The following LINGO1 variants were observed in gnomAD, a reference collection of about 807,000 sequenced individuals.
The protein encoded by LINGO1 is leucine-rich repeat and immunoglobulin-like domain-containing nogo receptor-interacting protein 1.
Under a neutral mutation model 37.3 loss-of-function variants are expected in LINGO1, and 11 were observed. The observed-to-expected ratio is 0.29, with a 90% CI of 0.19 to 0.49. The LOEUF (loss-of-function observed/expected upper bound fraction) is 0.49, where lower values mean the gene tolerates loss of function less well. Among genes scored for constraint, LINGO1 ranks in the 20% least tolerant of loss-of-function variants. The probability of loss-of-function intolerance (pLI) is 0.99; values close to 1 mark genes in which losing one functional copy is unlikely to be tolerated. For missense variants in LINGO1, 585 were observed against 878.2 expected (o/e 0.67, Z 4.22); for synonymous variants, 387 against 403.0 (o/e 0.96, Z 0.48).
At chr15:77,710,239 G>A (rs1032565536) in intron 2 of LINGO1, among the ~76,000 whole-genome samples, 1 of 152,224 alleles carries the variant, frequency 6.6e-6, no homozygotes, top group Non-Finnish European at 1.5e-5. Flanking sequence ...ACTTCATGGA[G>A]GCCCCTCAGC....
chr15:77,631,485 C>A (rs1288098255), intron 1 of LINGO1, among the ~76,000 whole-genome samples: 1 of 152,212 alleles, frequency 6.6e-6, no homozygotes, highest in Non-Finnish European at 1.5e-5. Context: ...CCTGGCCCCA[C>A]CCCTCCTTCT....
chr15:77,665,456 C>A (rs2075109019), intron 3 of LINGO1, among the ~76,000 whole-genome samples: 2 of 152,212 alleles, frequency 1.3e-5, no homozygotes, highest in South Asian at 2.1e-4. Context: ...ACTGCCTGGG[C>A]CTCAGTCTCT....
At chr15:77,660,853 C>G (rs1406203278) in intron 3 of LINGO1, among the ~76,000 whole-genome samples, 2 of 152,106 alleles carry the variant, frequency 1.3e-5, no homozygotes, top group African/African-American at 2.4e-5. Context: ...GAGCACAGGC[C>G]TCTTCCCAAG....
intron 1 of LINGO1, among the ~76,000 whole-genome samples, chr15:77,695,319 G>A (rs893384870): frequency 2.6e-5 from 4 of 152,098 alleles, no homozygotes; most frequent in African/African-American, 7.2e-5. Context: ...CAGCAGTTAT[G>A]GGGTGGGAGG....
Position 77,794,342 on chromosome 15 carries a change from AC to A in LINGO1, c.-343+1596del, listed in dbSNP as rs2141450360. Among the ~76,000 whole-genome samples, 2 of 116,382 alleles carry A rather than the reference AC, an allele frequency of 1.7e-5. 1 individual carries two copies. The highest frequency in any genetic ancestry group is 5.1e-4 in the South Asian group (2 of 3,944). 76.4% of individuals were successfully genotyped at this position (116,382 alleles called of 152,430 possible). ...TATACATACATATATGTATATACAT[AC>A]ATATATACGTATATATGTGTATATA... On this transcript the variant is annotated intron_variant, in intron 2 of 5. Coordinates refer to the LINGO1 transcript ENST00000562933.
intron 1 of LINGO1, among the ~76,000 whole-genome samples, chr15:77,631,218 T>C (rs868851630): frequency 2.6e-4 from 40 of 152,038 alleles, no homozygotes; most frequent in African/African-American, 8.7e-4. Context: ...CTATGCGCCC[T>C]CTGGCTGCCC....
At chr15:77,629,591 C>T (rs1224498966) in intron 1 of LINGO1, among the ~76,000 whole-genome samples, 3 of 152,324 alleles carry the variant, frequency 2.0e-5, no homozygotes, top group African/African-American at 2.4e-5. Context: ...CTTCTCAACC[C>T]CTGCCTGGGG....
chr15:77,779,162 G>A (rs1468948695), intron 1 of LINGO1, among the ~76,000 whole-genome samples: 2 of 152,000 alleles, frequency 1.3e-5, no homozygotes, highest in Non-Finnish European at 2.9e-5. Context: ...CCCCACTGCT[G>A]ACATTTCCTT....
intron 1 of LINGO1, among the ~76,000 whole-genome samples, chr15:77,694,245 C>A (rs187097885): frequency 2.0e-5 from 3 of 151,928 alleles, no homozygotes; most frequent in African/African-American, 7.3e-5. Flanking sequence ...TAGGACTTCA[C>A]AGATCACAGA....
chr15:77,815,563 C>T lies in LINGO1; in HGVS notation c.-458+4695G>A, dbSNP rs78986505. On this transcript the variant is annotated intron_variant, in intron 1 of 5. Coordinates refer to the LINGO1 transcript ENST00000562933. ...TTACAGACACAGAAACTGAGGCAGA[C>T]CCATGGGCCTCAGCGGCTTACTGAA... is the stretch of plus-strand genomic sequence containing the variant. Among the ~76,000 whole-genome samples, 821 of 152,284 alleles carry T rather than the reference C, an allele frequency of 5.4e-3. 7 individuals are homozygous for T. The highest frequency in any genetic ancestry group is 0.019 in the African/African-American group (779 of 41,560).
chr15:77,683,749 G>T (rs898526118), intron 2 of LINGO1, among the ~76,000 whole-genome samples: 2 of 152,022 alleles, frequency 1.3e-5, no homozygotes, highest in African/African-American at 4.8e-5. Flanking sequence ...GGCTTTAAAG[G>T]CAAAGAGGGA....
At chr15:77,817,059 G>C (rs1324809614) in intron 1 of LINGO1, among the ~76,000 whole-genome samples, 1 of 152,172 alleles carries the variant, frequency 6.6e-6, no homozygotes, top group Non-Finnish European at 1.5e-5. Flanking sequence ...GGGAGAGGCA[G>C]AGAGAGGCCG....
chr15:77,659,176 G>A (rs949725676), intron 3 of LINGO1, among the ~76,000 whole-genome samples: 6 of 152,128 alleles, frequency 3.9e-5, no homozygotes, highest in African/African-American at 1.4e-4. Flanking sequence ...GCTTGATGGG[G>A]TTAGATTTGC....
intron 1 of LINGO1, among the ~76,000 whole-genome samples, chr15:77,695,492 C>T (rs1332861285): frequency 1.3e-5 from 2 of 152,230 alleles, no homozygotes; most frequent in African/African-American, 4.8e-5. Flanking sequence ...GATCTAGCCA[C>T]TAGTGTTCCC....
chr15:77,617,255 C>T (rs1397337084), intron 1 of LINGO1, among the ~76,000 whole-genome samples: 2 of 152,198 alleles, frequency 1.3e-5, no homozygotes, highest in Admixed American at 1.3e-4. Flanking sequence ...CCCAAACTGC[C>T]TCCCATCTCC....
chr15:77,664,170 T>TGTGTGTGTGC lies in LINGO1; in HGVS notation c.-13+12918_-13+12919insGCACACACAC. 1.2e-3 allele frequency among the ~76,000 whole-genome samples: 157 copies of TGTGTGTGTGC among 130,992 alleles called. 2 individuals are homozygous for TGTGTGTGTGC. The highest frequency in any genetic ancestry group is 1.3e-3 in the Non-Finnish European group (81 of 64,702). The allele number at this position is 130,992 out of a possible 152,430, so 85.9% of individuals were successfully genotyped here. A position where few individuals can be genotyped will look rare whatever the true frequency, so the allele number is the denominator to read the frequency against. Reference sequence around the variant, plus strand: ...GTGTGTGTGTGTGTGTGTGTGTGTGTGCGCGCGCGCATGCGTTTGCATTCT... The same window carrying TGTGTGTGTGC: ...GTGTGTGTGTGTGTGTGTGTGTGTGTGTGTGTGTGCGCGCGCGCGCATGCGTTTGCATTCT... On this transcript the variant is annotated intron_variant, in intron 3 of 3. Transcript: ENST00000559893.
At position 77,758,597 on chromosome 15, in the gene LINGO1, C is replaced by G. The variant is rs75267976; in HGVS notation, c.-256-23544G>C. On this transcript the variant is annotated intron_variant, in intron 1 of 3. Transcript: ENST00000561686. ...TTGGGCCAGGAGGACAGCCAAGCCTCGTATTCTTGATGAGCACATTCTCTG... is the reference window on the plus strand; with the variant it reads ...TTGGGCCAGGAGGACAGCCAAGCCTGGTATTCTTGATGAGCACATTCTCTG... Among the ~76,000 whole-genome samples the G allele has an allele frequency of 1.4e-3, 206 of 152,220 alleles. 4 individuals carry two copies. The highest frequency in any genetic ancestry group is 4.7e-3 in the African/African-American group (196 of 41,512).
chr15:77,712,785 C>T (rs966418429), intron 2 of LINGO1, among the ~76,000 whole-genome samples: 6 of 152,332 alleles, frequency 3.9e-5, no homozygotes, highest in African/African-American at 9.6e-5. Flanking sequence ...CCACCAGCTT[C>T]GGCCTGCACC....
intron 3 of LINGO1, among the ~76,000 whole-genome samples, chr15:77,649,867 T>G (rs1262132759): frequency 6.6e-6 from 1 of 151,604 alleles, no homozygotes; most frequent in African/African-American, 2.4e-5. Flanking sequence ...GGAGATCTTT[T>G]CCCCGCGACT....
Sources: gnomAD v4.1 joint callset for allele counts (sites outside exome capture counted in the v4.1 genomes callset) on GRCh38, gnomAD v4.1.1 for gene constraint, MANE v1.5 for transcripts, NCBI Gene and HGNC (gene_info 2026-07-23, HGNC 2026-07-21) for gene names.